Variants in COX7A2L observed in about 807,000 individuals in gnomAD.
COX7A2L encodes the protein cytochrome c oxidase subunit 7A2 like.
COX7A2L carries 18 observed loss-of-function variants against 14.2 expected under a neutral mutation model. That is an observed-to-expected ratio of 1.27 (90% CI 0.88 to 1.88). The LOEUF is 1.88. Among genes scored for constraint, COX7A2L ranks in the 40% most tolerant of loss-of-function variants. The probability of loss-of-function intolerance (pLI) is 0.00; values close to 1 mark genes in which losing one functional copy is unlikely to be tolerated. For synonymous variants in COX7A2L, 65 were observed against 57.4 expected (o/e 1.13, Z -0.60); for missense variants, 179 against 138.8 (o/e 1.29, Z -1.46).
intron 2 of COX7A2L, among the ~76,000 whole-genome samples, chr2:42,340,777 G>A (rs1011018030): frequency 6.6e-6 from 1 of 152,180 alleles, no homozygotes; most frequent in Non-Finnish European, 1.5e-5. Flanking sequence ...GCACTGGGCC[G>A]CTCCACTGCA....
intron 1 of COX7A2L, among the ~76,000 whole-genome samples, chr2:42,368,102 G>A (rs1671202821): frequency 6.6e-6 from 1 of 152,246 alleles, no homozygotes; most frequent in African/African-American, 2.4e-5. Flanking sequence ...ATCTGCCCAG[G>A]CAGTTCTGTT....
At chr2:42,367,133 G>A (rs1163743654) in intron 1 of COX7A2L, among the ~76,000 whole-genome samples, 1 of 152,146 alleles carries the variant, frequency 6.6e-6, no homozygotes, top group Non-Finnish European at 1.5e-5. Context: ...ATTTCTTTAA[G>A]TTTCTGCTCC....
At chr2:42,355,171 T>A (rs1009519831) in intron 1 of COX7A2L, among the ~76,000 whole-genome samples, 10 of 152,156 alleles carry the variant, frequency 6.6e-5, no homozygotes, top group Non-Finnish European at 1.3e-4. Context: ...GGCCTACATT[T>A]AGAAATACAA....
At chr2:42,354,251 T>A (rs1434479796) in intron 1 of COX7A2L, among the ~76,000 whole-genome samples, 1 of 152,222 alleles carries the variant, frequency 6.6e-6, no homozygotes, top group Non-Finnish European at 1.5e-5. Flanking sequence ...ATGTAAATTA[T>A]ATCTCAATAA....
chr2:42,342,133 T>C lies in COX7A2L; in HGVS notation c.193-8264A>G, dbSNP rs1199196098. Among the ~76,000 whole-genome samples, 1 of 152,274 alleles carries C rather than the reference T, an allele frequency of 6.6e-6. No individual in the cohort carries two copies. The highest frequency in any genetic ancestry group is 1.9e-4 in the East Asian group (1 of 5,172). On this transcript the variant is annotated intron_variant, in intron 2 of 2. Coordinates refer to the COX7A2L transcript ENST00000468711. This position sits in a 1 kb window ranked among gnomAD's most constrained non-coding sequence, Gnocchi z 4.9. ...TTCCGGAACTGGTGCCAGGTCTTCC[T>C]ATGAGAGGCTGAGCTGAGCAACCAC...
chr2:42,351,438 G>C, intron 2 of COX7A2L, 79 bp from the exon 3 acceptor site: 1 of 1,520,052 alleles, frequency 6.6e-7, no homozygotes, highest in Non-Finnish European at 9.0e-7. Flanking sequence ...TAACAAATTT[G>C]TCTACTCGGT....
chr2:42,356,673 TCCCA>T (rs1273937037), intron 1 of COX7A2L, among the ~76,000 whole-genome samples: 1 of 152,192 alleles, frequency 6.6e-6, no homozygotes, highest in African/African-American at 2.4e-5. Context: ...ATGCCTGTGG[TCCCA>T]CCACTTTGGG....
downstream of COX7A2L, among the ~76,000 whole-genome samples, chr2:42,349,120 C>A (rs1313843079): frequency 6.6e-6 from 1 of 152,078 alleles, no homozygotes; most frequent in East Asian, 1.9e-4. Flanking sequence ...GGTAGATACC[C>A]AAGAGAAATG....
chr2:42,349,086 T>C (rs1670559831), downstream of COX7A2L, among the ~76,000 whole-genome samples: 2 of 152,166 alleles, frequency 1.3e-5, no homozygotes, highest in Non-Finnish European at 1.5e-5. Flanking sequence ...AGAGTTACCA[T>C]ATGACCCAGG....
In COX7A2L at chr2:42,342,641, G is replaced by A. The variant is rs182433837; in HGVS notation, c.193-8772C>T. On this transcript the variant is annotated intron_variant, in intron 2 of 2. Coordinates refer to the COX7A2L transcript ENST00000468711. The surrounding 1 kb of genome is among the most constrained non-coding windows in gnomAD (Gnocchi z 4.9). Reference sequence around the variant, plus strand: ...TACACATTAGGCAGTGTAGAGACCTGTGCTTTGGCCCTGAGGCACAGCCAT... The same window carrying A: ...TACACATTAGGCAGTGTAGAGACCTATGCTTTGGCCCTGAGGCACAGCCAT... Among the ~76,000 whole-genome samples, 147 of 152,292 alleles carry A rather than the reference G, an allele frequency of 9.7e-4. No homozygotes were observed. The highest frequency in any genetic ancestry group is 3.2e-3 in the African/African-American group (132 of 41,546).
intron 2 of COX7A2L, among the ~76,000 whole-genome samples, chr2:42,343,185 C>T (rs1175237834): frequency 6.6e-6 from 1 of 152,150 alleles, no homozygotes; most frequent in Non-Finnish European, 1.5e-5. Context: ...CCCTCCACCA[C>T]ACCCACCCGG....
upstream of COX7A2L, among the ~76,000 whole-genome samples, chr2:42,364,250 C>CAAAAA (rs35151680): frequency 5.0e-4 from 43 of 85,416 alleles, 1 homozygote; most frequent in African/African-American, 1.3e-3. Flanking sequence ...GACTCCGTCT[C>CAAAAA]AAAAAAAAAA....
chr2:42,340,390 A>C (rs945335038), intron 2 of COX7A2L, among the ~76,000 whole-genome samples: 1 of 152,192 alleles, frequency 6.6e-6, no homozygotes, highest in Admixed American at 6.5e-5. Context: ...CAATTGTTGT[A>C]AGTCTTTTTC....
downstream of COX7A2L, among the ~76,000 whole-genome samples, chr2:42,344,463 C>T (rs1365742423): frequency 6.6e-6 from 1 of 152,228 alleles, no homozygotes; most frequent in African/African-American, 2.4e-5. Context: ...TGACCATAAA[C>T]TCTAAGTGTT....
Position 42,349,882 on chromosome 2 carries a change from T to G in COX7A2L, c.*1337A>C, listed in dbSNP as rs1455384289. The G allele has an allele frequency of 6.6e-6, 1 of 152,222 alleles. No individual in the cohort carries two copies. Among genetic ancestry groups the G allele is most frequent in the Non-Finnish European group, 1.5e-5 (1 of 68,042 alleles). The allele number at this position is 152,222 out of a possible 1,614,324, so 9.4% of individuals were successfully genotyped here. On this transcript the variant is annotated 3_prime_UTR_variant, in exon 3 of 3. Coordinates refer to ENST00000234301, the MANE Select transcript of COX7A2L (RefSeq NM_004718.4). ...ACAGATCTATGTGTGTGTGCATATA[T>G]GCATTGTGTGTGCCTGTGTGAGAGA...
At chr2:42,337,060 C>T (rs1259826860) in intron 2 of COX7A2L, among the ~76,000 whole-genome samples, 1 of 152,132 alleles carries the variant, frequency 6.6e-6, no homozygotes, top group Non-Finnish European at 1.5e-5. Context: ...AAAATTGTAA[C>T]TAGATGCTAT....
rs1670330928 is a variant in COX7A2L at position 42,338,445 on chromosome 2, A to G, written c.193-4576T>C. 6.6e-6 allele frequency among the ~76,000 whole-genome samples: 1 copy of G among 152,172 alleles called. No homozygotes were observed. Among genetic ancestry groups the G allele is most frequent in the South Asian group, 2.1e-4 (1 of 4,818 alleles). Reference sequence around the variant, plus strand: ...GGTGACCAGGCTTTCTCCGAGAGCGACAGGCCCCAGCTATGCTGGCAAGAT... The same window carrying G: ...GGTGACCAGGCTTTCTCCGAGAGCGGCAGGCCCCAGCTATGCTGGCAAGAT... On this transcript the variant is annotated intron_variant, in intron 2 of 2. Coordinates refer to the COX7A2L transcript ENST00000468711. This position sits in a 1 kb window ranked among gnomAD's most constrained non-coding sequence, Gnocchi z 4.4.
At chr2:42,337,257 G>A (rs963902441) in intron 2 of COX7A2L, among the ~76,000 whole-genome samples, 2 of 152,176 alleles carry the variant, frequency 1.3e-5, no homozygotes, top group African/African-American at 2.4e-5. Context: ...CCAAGGTGAT[G>A]TGCAACCCAC....
upstream of COX7A2L, among the ~76,000 whole-genome samples, chr2:42,364,699 A>G (rs1458478661): frequency 6.6e-6 from 1 of 152,178 alleles, no homozygotes; most frequent in Non-Finnish European, 1.5e-5. Context: ...TGAAACCTAG[A>G]TTATATTGAT....
Sources: allele counts gnomAD v4.1 joint callset (sites outside exome capture counted in the v4.1 genomes callset), GRCh38; gene constraint gnomAD v4.1.1; non-coding constraint Gnocchi (gnomAD v3.1); transcripts MANE v1.5; gene names NCBI Gene and HGNC (gene_info 2026-07-23, HGNC 2026-07-21).